STPG2: variants seen among roughly 807,000 people sequenced by gnomAD.
STPG2 encodes the protein sperm-tail PG-rich repeat-containing protein 2.
STPG2 carries 56 observed loss-of-function variants against 54.2 expected under a neutral mutation model. The ratio of observed to expected loss-of-function variants is 1.03; its 90% CI spans 0.83 to 1.29. STPG2 has a LOEUF of 1.29. STPG2 is among the 50% of genes most tolerant of loss of function. The probability of loss-of-function intolerance (pLI) is 0.00; values close to 1 mark genes in which losing one functional copy is unlikely to be tolerated. For missense variants in STPG2, 596 were observed against 544.9 expected, an observed-to-expected ratio of 1.09 and a Z score of -0.93; for synonymous variants, 200 against 181.8, an observed-to-expected ratio of 1.10 and a Z score of -0.81.
chr4:97,849,099 C>T (rs1266624924), intron 8 of STPG2, among the ~76,000 whole-genome samples: 1 of 151,022 alleles, frequency 6.6e-6, no homozygotes. Context: ...GCAGTATGGC[C>T]ATTTTCACGA....
intron 5 of STPG2, among the ~76,000 whole-genome samples, chr4:98,086,173 A>G (rs1738497300): frequency 1.3e-5 from 2 of 152,152 alleles, no homozygotes; most frequent in Non-Finnish European, 2.9e-5. Flanking sequence ...CTTTATCACT[A>G]TAATATATAC....
At position 97,758,814 on chromosome 4, in the gene STPG2, GT is replaced by G. The variant is rs573575797; in HGVS notation, c.1205-46001del. Among the ~76,000 whole-genome samples the G allele has an allele frequency of 1.5e-4, 23 of 152,012 alleles. 1 individual carries two copies. The highest frequency in any genetic ancestry group is 1.5e-3 in the Admixed American group (23 of 15,250). ...ATTTTAAAAAAATGACAGACATTTG[GT>G]TTTATTTTGTTCTGGCATTTCAGAT... On this transcript the variant is annotated intron_variant, in intron 9 of 10. Coordinates refer to ENST00000295268, the MANE Select transcript of STPG2 (RefSeq NM_174952.3).
At chr4:97,569,325 G>C (rs957558468) in intron 10 of STPG2, among the ~76,000 whole-genome samples, 1 of 152,126 alleles carries the variant, frequency 6.6e-6, no homozygotes, top group Non-Finnish European at 1.5e-5. Flanking sequence ...GAGCAGTGAG[G>C]ACAATAAGAC....
intron 8 of STPG2, among the ~76,000 whole-genome samples, chr4:97,865,002 T>G (rs1729713252): frequency 6.6e-6 from 1 of 152,120 alleles, no homozygotes; most frequent in African/African-American, 2.4e-5. Context: ...GAAGAAAACC[T>G]AGGCAATACC....
At chr4:98,064,230 G>A (rs192569632) in intron 5 of STPG2, among the ~76,000 whole-genome samples, 173 of 152,182 alleles carry the variant, frequency 1.1e-3, no homozygotes, top group Admixed American at 3.9e-3. Context: ...ATTTTGCCAC[G>A]AAGCTCTCTG....
chr4:98,093,162 T>C (rs1332730941), intron 5 of STPG2, among the ~76,000 whole-genome samples: 1 of 152,162 alleles, frequency 6.6e-6, no homozygotes, highest in East Asian at 1.9e-4. Context: ...TTTTGCATAG[T>C]AAAGATTTAT....
At chr4:97,472,104 T>G (rs1729951048) in intron 4 of STPG2, among the ~76,000 whole-genome samples, 1 of 151,598 alleles carries the variant, frequency 6.6e-6, no homozygotes, top group Non-Finnish European at 1.5e-5. Flanking sequence ...AATCAACAAC[T>G]CTTTCTTAGT....
At chr4:97,570,854 G>A (rs1218133097) in intron 10 of STPG2, among the ~76,000 whole-genome samples, 1 of 151,836 alleles carries the variant, frequency 6.6e-6, no homozygotes, top group African/African-American at 2.4e-5. Flanking sequence ...TCATTCCTTG[G>A]GTGTCTTCCA....
chr4:97,904,322 AC>A (rs1053144983), intron 8 of STPG2, among the ~76,000 whole-genome samples: 2 of 151,902 alleles, frequency 1.3e-5, no homozygotes, highest in Non-Finnish European at 1.5e-5. Context: ...ACTGGGAGGC[AC>A]CCCCCAGCAG....
At chr4:98,142,203 G>A (rs1289554511) in intron 1 of STPG2, among the ~76,000 whole-genome samples, 1 of 152,088 alleles carries the variant, frequency 6.6e-6, no homozygotes, top group Non-Finnish European at 1.5e-5. Context: ...AGTCAAATTT[G>A]TACTCCACCC....
intron 5 of STPG2, among the ~76,000 whole-genome samples, chr4:98,008,455 A>G (rs572850946): frequency 6.6e-6 from 1 of 152,114 alleles, no homozygotes; most frequent in South Asian, 2.1e-4. Flanking sequence ...GGAGTTCTAA[A>G]CATGAAAACA....
At chr4:98,025,776 ATGTGGAAAGCAT>A (rs1453198925) in intron 5 of STPG2, 1 of 1,570,990 alleles carries the variant, frequency 6.4e-7, no homozygotes, top group African/African-American at 1.3e-5. Flanking sequence ...GATGAATACA[ATGTGGAAAGCAT>A]TGATGGTCCG....
At chr4:97,791,254 G>T (rs961676667) in intron 9 of STPG2, among the ~76,000 whole-genome samples, 1 of 152,076 alleles carries the variant, frequency 6.6e-6, no homozygotes, top group Admixed American at 6.6e-5. Flanking sequence ...TATAGGAATT[G>T]TTACAATCTC....
chr4:97,870,566 G>A (rs988705313), intron 8 of STPG2, among the ~76,000 whole-genome samples: 3 of 151,166 alleles, frequency 2.0e-5, no homozygotes, highest in Non-Finnish European at 3.0e-5. Flanking sequence ...AATCCAAAAA[G>A]TATTAATTGT....
rs138023143 is a variant in STPG2 at position 97,452,273 on chromosome 4, G to A, written c.462+260426C>T. 4.0e-3 allele frequency among the ~76,000 whole-genome samples: 608 copies of A among 152,032 alleles called. 1 individual carries two copies. Among genetic ancestry groups the A allele is most frequent in the African/African-American group, 0.013 (529 of 41,450 alleles). On this transcript the variant is annotated intron_variant, in intron 4 of 4. Coordinates refer to the STPG2 transcript ENST00000522676. ...CTGCTCCTGCTTCCTGGCTTCTCCC[G>A]GCTCTCCACACCTTCTCCAATTTTG...
At chr4:97,716,739 G>T (rs1724302131) in intron 9 of STPG2, among the ~76,000 whole-genome samples, 1 of 151,738 alleles carries the variant, frequency 6.6e-6, no homozygotes, top group African/African-American at 2.4e-5. Flanking sequence ...AATAACATTA[G>T]GAGAAATACC....
intron 4 of STPG2, among the ~76,000 whole-genome samples, chr4:97,455,588 T>C (rs1483558384): frequency 6.6e-6 from 1 of 152,168 alleles, no homozygotes; most frequent in Non-Finnish European, 1.5e-5. Flanking sequence ...CTACATCCCC[T>C]TCTGGCTCTC....
At chr4:97,568,606 C>T (rs960011964) in intron 10 of STPG2, among the ~76,000 whole-genome samples, 2 of 151,842 alleles carry the variant, frequency 1.3e-5, no homozygotes, top group Non-Finnish European at 2.9e-5. Context: ...AATACTATTA[C>T]CCACTAAAAA....
intron 4 of STPG2, among the ~76,000 whole-genome samples, chr4:97,540,176 G>T (rs908779294): frequency 7.9e-5 from 12 of 152,080 alleles, no homozygotes; most frequent in African/African-American, 2.4e-4. Context: ...AAAAATCAAT[G>T]AATCCAGGAG....
Sources: allele counts gnomAD v4.1 joint callset (sites outside exome capture counted in the v4.1 genomes callset), GRCh38; gene constraint gnomAD v4.1.1; transcripts MANE v1.5; gene names NCBI Gene and HGNC (gene_info 2026-07-23, HGNC 2026-07-21).